The following ABCC6 variants were observed in gnomAD, a reference collection of about 807,000 sequenced individuals.
ABCC6 encodes ATP binding cassette subfamily C member 6.
Under a neutral mutation model 169.5 loss-of-function variants are expected in ABCC6, and 126 were observed. The ratio of observed to expected loss-of-function variants is 0.74; its 90% CI spans 0.64 to 0.86. The LOEUF (loss-of-function observed/expected upper bound fraction) is 0.86. ABCC6 is among the 40% of genes least tolerant of loss of function. The pLI is 0.00. For missense variants in ABCC6, 1,733 were observed against 1,927.2 expected (o/e 0.90, Z 1.89); for synonymous variants, 752 against 814.7 (o/e 0.92, Z 1.31).
intron 26 of ABCC6, among the ~76,000 whole-genome samples, chr16:16,158,994 T>C (rs2046632408): frequency 6.6e-6 from 1 of 152,208 alleles, no homozygotes; most frequent in Non-Finnish European, 1.5e-5. Context: ...TATGTTGTGG[T>C]TGTATTGCTG....
chr16:16,202,932 A>G (rs1451803287), intron 8 of ABCC6, among the ~76,000 whole-genome samples: 3 of 152,054 alleles, frequency 2.0e-5, no homozygotes, highest in Non-Finnish European at 2.9e-5. Context: ...TTTTTGGTCT[A>G]TTTCTTAGAA....
intron 23 of ABCC6, among the ~76,000 whole-genome samples, chr16:16,165,314 T>C (rs1323667610): frequency 6.6e-6 from 1 of 152,150 alleles, no homozygotes; most frequent in Non-Finnish European, 1.5e-5. Flanking sequence ...CTTGAGAGGC[T>C]GAGGTAGGAG....
chr16:16,211,562 G>A (rs1452662536), intron 6 of ABCC6, among the ~76,000 whole-genome samples: 1 of 152,168 alleles, frequency 6.6e-6, no homozygotes, highest in Non-Finnish European at 1.5e-5. Context: ...GAGAGGTTAA[G>A]TAACTGTCCA....
At chr16:16,193,839 ACCCCGAAGGTGGTCAGACTTGGGT>A (rs2047946357) in intron 10 of ABCC6, among the ~76,000 whole-genome samples, 1 of 152,116 alleles carries the variant, frequency 6.6e-6, no homozygotes, top group South Asian at 2.1e-4. Context: ...ACAGCTGCAG[ACCCCGAAGGTGGTCAGACTTGGGT>A]CCTAAGATGG....
chr16:16,185,113 C>T (rs1264408290), intron 14 of ABCC6, 79 bp from the exon 15 acceptor site: 2 of 1,301,426 alleles, frequency 1.5e-6, no homozygotes, highest in East Asian at 2.4e-5. Context: ...CAGGCACCAT[C>T]CCCCGCCCCC....
At chr16:16,165,976 T>C in intron 22 of ABCC6, 43 bp from the exon 23 acceptor site, 1 of 1,598,982 alleles carries the variant, frequency 6.3e-7, no homozygotes, top group Admixed American at 1.7e-5. Context: ...CTGGAGACCC[T>C]CAGGAGCGGC....
chr16:16,211,069 T>C (rs1017222483), intron 6 of ABCC6, among the ~76,000 whole-genome samples: 2 of 149,230 alleles, frequency 1.3e-5, no homozygotes, highest in African/African-American at 5.0e-5. Flanking sequence ...CACTGCAGCC[T>C]GGGCAACAAG....
At chr16:16,173,590 C>A (rs2047179370) in intron 20 of ABCC6, among the ~76,000 whole-genome samples, 186 bp from the exon 21 acceptor site, 1 of 152,228 alleles carries the variant, frequency 6.6e-6, no homozygotes, top group Middle Eastern at 3.4e-3. Context: ...TGGTACCCAG[C>A]TAAATGCCAT....
chr16:16,158,549 CTAAT>C (rs1181076177), intron 26 of ABCC6, among the ~76,000 whole-genome samples: 3 of 152,174 alleles, frequency 2.0e-5, no homozygotes, highest in African/African-American at 7.2e-5. Flanking sequence ...TATTCATCAA[CTAAT>C]TAATTCTTCC....
At chr16:16,209,706 C>T (rs117157969) in intron 6 of ABCC6, among the ~76,000 whole-genome samples, 2 of 151,670 alleles carry the variant, frequency 1.3e-5, no homozygotes, top group South Asian at 4.2e-4. Flanking sequence ...CTGGCTCAAG[C>T]GATTCTCACG....
intron 27 of ABCC6, among the ~76,000 whole-genome samples, chr16:16,156,578 T>G (rs148784283): frequency 7.9e-5 from 12 of 152,162 alleles, no homozygotes; most frequent in African/African-American, 2.6e-4. Context: ...GAATTCACAC[T>G]TTACCCCAAG....
At chr16:16,166,061 A>AT in intron 22 of ABCC6, 128 bp from the exon 23 acceptor site, 1 of 947,692 alleles carries the variant, frequency 1.1e-6, no homozygotes, top group Non-Finnish European at 1.6e-6. Context: ...TGATTATTAT[A>AT]TTTTTTTGAG....
At chr16:16,190,105 C>G in intron 12 of ABCC6, 59 bp downstream of exon 12, 1 of 1,589,652 alleles carries the variant, frequency 6.3e-7, no homozygotes, top group Non-Finnish European at 8.6e-7. Flanking sequence ...CCTCACCCTG[C>G]CCCCACCCCC....
intron 13 of ABCC6, 37 bp from the exon 14 acceptor site, chr16:16,187,248 G>C (rs1299820169): frequency 1.9e-6 from 3 of 1,575,964 alleles, no homozygotes; most frequent in African/African-American, 2.7e-5. Flanking sequence ...CCAGCAAGAA[G>C]AGCAAAGAAC....
intron 7 of ABCC6, among the ~76,000 whole-genome samples, chr16:16,206,884 C>G (rs111750393): frequency 0.079 from 12,077 of 152,160 alleles, 794 homozygotes; most frequent in African/African-American, 0.18. Flanking sequence ...CATCTGTAAT[C>G]CCAGCACCTT....
At chr16:16,214,143 G>A (rs556181740) in intron 5 of ABCC6, among the ~76,000 whole-genome samples, 181 bp downstream of exon 5, 1 of 152,324 alleles carries the variant, frequency 6.6e-6, no homozygotes, top group Admixed American at 6.5e-5. Context: ...GGCTCACAGA[G>A]TCCAAAATAT....
intron 9 of ABCC6, among the ~76,000 whole-genome samples, chr16:16,201,265 C>G (rs1442023962): frequency 3.3e-5 from 5 of 152,212 alleles, no homozygotes; most frequent in Non-Finnish European, 7.3e-5. Flanking sequence ...CTGTGCCCAG[C>G]CTAGGGGTCA....
At chr16:16,213,567 T>C (rs2048726036) in intron 5 of ABCC6, among the ~76,000 whole-genome samples, 1 of 148,540 alleles carries the variant, frequency 6.7e-6, no homozygotes, top group African/African-American at 2.5e-5. Flanking sequence ...TCTTTTTTTT[T>C]TTTTTTTTTT....
At chr16:16,173,718 G>A (rs2047184662) in intron 20 of ABCC6, among the ~76,000 whole-genome samples, 2 of 139,998 alleles carry the variant, frequency 1.4e-5, no homozygotes, top group Admixed American at 1.5e-4. Context: ...TTTTTGAGAT[G>A]GGGTCTTGCT....
Sources: gnomAD v4.1 joint callset for allele counts (sites outside exome capture counted in the v4.1 genomes callset) on GRCh38, gnomAD v4.1.1 for gene constraint, MANE v1.5 for transcripts, NCBI Gene and HGNC (gene_info 2026-07-23, HGNC 2026-07-21) for gene names.